The following XKR8 variants were observed in gnomAD, a reference collection of about 807,000 sequenced individuals.
The protein encoded by XKR8 is XK related 8.
A neutral mutation model predicts 17.1 loss-of-function variants in XKR8; 10 were observed. The ratio of observed to expected loss-of-function variants is 0.59; its 90% confidence interval spans 0.36 to 0.99. The LOEUF (loss-of-function observed/expected upper bound fraction) is 0.99, where lower values mean the gene tolerates loss of function less well. Ranked by LOEUF, XKR8 falls within the 50% of genes least tolerant of loss-of-function variation. The probability of loss-of-function intolerance (pLI) is 0.01; values close to 1 mark genes in which losing one functional copy is unlikely to be tolerated. For missense variants in XKR8, 411 were observed against 515.6 expected, an observed-to-expected ratio of 0.80 and a Z score of 1.96; for synonymous variants, 213 against 251.9, an observed-to-expected ratio of 0.85 and a Z score of 1.46.
At chr1:27,963,295 C>T (rs1368739688) in intron 1 of XKR8, among the ~76,000 whole-genome samples, 4 of 152,266 alleles carry the variant, frequency 2.6e-5, no homozygotes, top group Non-Finnish European at 5.9e-5. Context: ...GCTGGGATTA[C>T]AGGCATGAGC....
intron 1 of XKR8, among the ~76,000 whole-genome samples, chr1:27,962,657 T>A (rs1342697906): frequency 6.6e-6 from 1 of 151,164 alleles, no homozygotes; most frequent in Non-Finnish European, 1.5e-5. Flanking sequence ...GCACAATCAA[T>A]CATGGCTCAC....
Position 27,967,185 on chromosome 1 carries a change from G to A in XKR8, c.1173G>A (p.Ser391=), listed in dbSNP as rs202203203. Residue 391 remains serine (S), a synonymous_variant, in exon 3 of 3, where the codon TCG becomes TCA. Coordinates refer to ENST00000373884, the MANE Select transcript of XKR8 (RefSeq NM_018053.4). This position sits in a 1 kb window ranked among gnomAD's most constrained non-coding sequence, Gnocchi z 4.3. The stretch of plus-strand genomic sequence containing the variant: ...CCAAGGCTAAGGATGAGGCTGCTTC[G>A]CCAGTGAAGGGATAGGTGAACGGCG... ...FFPKAKDEAA[S]PVKG is the part of the protein sequence containing the mutation. The A allele has an allele frequency of 4.1e-5, 64 of 1,555,326 alleles. No homozygotes were observed. Among genetic ancestry groups the A allele is most frequent in the South Asian group, 2.6e-4 (21 of 81,646 alleles).
chr1:27,967,483 T>C lies in XKR8; in HGVS notation c.*283T>C. Reference sequence around the variant, plus strand: ...CACTTTGGGAGGAAAGAAGACTACCTTTTCCCCCTGCCATTGGTATAGCTG... The same window carrying C: ...CACTTTGGGAGGAAAGAAGACTACCCTTTCCCCCTGCCATTGGTATAGCTG... On this transcript the variant is annotated 3_prime_UTR_variant, in exon 3 of 3. Transcript: ENST00000373884. This position sits in a 1 kb window ranked among gnomAD's most constrained non-coding sequence, Gnocchi z 4.3. The C allele has an allele frequency of 3.9e-6, 1 of 253,926 alleles. No homozygotes were observed. The highest frequency in any genetic ancestry group is 7.5e-6 in the Non-Finnish European group (1 of 132,618). The allele number at this position is 253,926 out of a possible 1,614,324, so 15.7% of individuals were successfully genotyped here.
intron 1 of XKR8, among the ~76,000 whole-genome samples, chr1:27,961,245 G>C (rs979441122): frequency 6.6e-6 from 1 of 152,242 alleles, no homozygotes; most frequent in African/African-American, 2.4e-5. Flanking sequence ...TGTGGATTCT[G>C]CTCCTTTTTG....
chr1:27,963,214 G>T (rs549521359), intron 1 of XKR8, among the ~76,000 whole-genome samples: 19 of 152,226 alleles, frequency 1.2e-4, no homozygotes, highest in African/African-American at 4.3e-4. Context: ...TAGAGACGAG[G>T]CTTCACCATG....
Position 27,966,310 on chromosome 1 carries a change from T to G in XKR8, c.491-193T>G, listed in dbSNP as rs1425538587. On this transcript the variant is annotated intron_variant, in intron 2 of 2. Transcript: ENST00000373884. The surrounding 1 kb of genome is among the most constrained non-coding windows in gnomAD (Gnocchi z 4.3). ...GCTGTGGTGAGGGGCAGGCTCTATA[T>G]TAGGAGTCATAGCTTTGTTTTTGGT... Among the ~76,000 whole-genome samples the G allele has an allele frequency of 2.6e-5, 4 of 152,060 alleles. No individual in the cohort carries two copies.
In XKR8 at chr1:27,960,207, G is replaced by GAA; in HGVS notation, c.138_139insAA (p.Ala47LysfsTer156). 6.6e-7 allele frequency: 1 copy of GAA among 1,526,460 alleles called. No homozygotes were observed. Among genetic ancestry groups the GAA allele is most frequent in the Non-Finnish European group, 8.7e-7 (1 of 1,143,742 alleles). 94.6% of individuals were successfully genotyped at this position (1,526,460 alleles called of 1,614,324 possible). A position where few individuals can be genotyped will look rare whatever the true frequency, so the allele number is the denominator to read the frequency against. ...CGCTCGGCGGCCGCTACCTGTGGGCGGCGCTGGTGCTGGCGCTGCTGGGCC... is the reference window on the plus strand; with the variant it reads ...CGCTCGGCGGCCGCTACCTGTGGGCGAAGCGCTGGTGCTGGCGCTGCTGGGCC... On this transcript the variant is annotated frameshift_variant, in exon 1 of 3. Transcript: ENST00000373884. LOFTEE classifies it high-confidence loss of function. This position sits in a 1 kb window ranked among gnomAD's most constrained non-coding sequence, Gnocchi z 5.9.
In XKR8 at chr1:27,966,667, G is replaced by A. The variant is rs755413697; in HGVS notation, c.655G>A (p.Ala219Thr). Residue 219 changes from alanine (A) to threonine (T), a missense_variant, in exon 3 of 3, where the codon GCC becomes ACC. Physicochemically the swap from Ala to Thr is moderately conservative, Grantham distance 58. Coordinates refer to ENST00000373884, the MANE Select transcript of XKR8 (RefSeq NM_018053.4). This position sits in a 1 kb window ranked among gnomAD's most constrained non-coding sequence, Gnocchi z 4.3. ...GCTGTGGCCCCGAGTCCTGGCTGTG[G>A]CCCTGTTCTCAGCCCTCTTCCCCAG... ...LLLWPRVLAV[A>T]LFSALFPSYV... 9.9e-6 allele frequency: 16 copies of A among 1,614,106 alleles called. No individual in the cohort carries two copies. The East Asian group carries it at 3.1e-4, about 31-fold the overall frequency.
At position 27,967,134 on chromosome 1, in the gene XKR8, G is replaced by C; in HGVS notation, c.1122G>C (p.Met374Ile). 6.2e-7 allele frequency: 1 copy of C among 1,606,270 alleles called. No individual in the cohort carries two copies. The highest frequency in any genetic ancestry group is 8.5e-7 in the Non-Finnish European group (1 of 1,175,188). Residue 374 changes from methionine (M) to isoleucine (I), a missense_variant, in exon 3 of 3, where the codon ATG becomes ATC. By Grantham distance (10) the Met-to-Ile change is conservative. Coordinates refer to ENST00000373884, the MANE Select transcript of XKR8 (RefSeq NM_018053.4). This position sits in a 1 kb window ranked among gnomAD's most constrained non-coding sequence, Gnocchi z 4.3. ...EGYQLPQNRRMTHLAQKFFPK... is the reference protein window; with the variant it reads ...EGYQLPQNRRITHLAQKFFPK... Reference sequence around the variant, plus strand: ...ATCAGCTGCCTCAGAACAGGCGCATGACCCATTTAGCACAGAAGTTTTTCC... The same window carrying C: ...ATCAGCTGCCTCAGAACAGGCGCATCACCCATTTAGCACAGAAGTTTTTCC...
chr1:27,963,779 A>G, intron 2 of XKR8, 86 bp downstream of exon 2: 1 of 1,348,628 alleles, frequency 7.4e-7, no homozygotes, highest in African/African-American at 1.5e-5. Context: ...TCTTTTATAA[A>G]GGCTGCTTAG....
Position 27,961,338 on chromosome 1 carries a change from G to T in XKR8, c.293+976G>T, listed in dbSNP as rs537466744. ...CAAAGTCAGGGCAGAGGGTGGTGTG[G>T]GTTGGGATGGGGTGGCCAGGGCCAG... On this transcript the variant is annotated intron_variant, in intron 1 of 2. Coordinates refer to ENST00000373884, the MANE Select transcript of XKR8 (RefSeq NM_018053.4). Among the ~76,000 whole-genome samples the T allele has an allele frequency of 3.9e-5, 6 of 152,320 alleles. No individual in the cohort carries two copies. In the East Asian group the frequency reaches 1.2e-3, roughly 29 times the overall value.
At chr1:27,961,841 T>C (rs1638475116) in intron 1 of XKR8, among the ~76,000 whole-genome samples, 1 of 152,170 alleles carries the variant, frequency 6.6e-6, no homozygotes, top group Admixed American at 6.5e-5. Context: ...AACGGGGTTC[T>C]CTCCCAATAG....
rs1638444034 is a variant in XKR8, at chr1:27,960,404, G to C, written c.293+42G>C. On this transcript the variant is annotated intron_variant, in intron 1 of 2. Transcript: ENST00000373884. This position sits in a 1 kb window ranked among gnomAD's most constrained non-coding sequence, Gnocchi z 5.9. Reference sequence around the variant, plus strand: ...GGGAGGGGAGGAGTGTCGGAGCCCAGCACCTCCGTCAGCTGGGTCACCTGT... The same window carrying C: ...GGGAGGGGAGGAGTGTCGGAGCCCACCACCTCCGTCAGCTGGGTCACCTGT... 2 of 1,352,516 alleles carry C rather than the reference G, an allele frequency of 1.5e-6. No individual in the cohort carries two copies. The highest frequency in any genetic ancestry group is 3.8e-5 in the Admixed American group (1 of 26,032). The allele number at this position is 1,352,516 out of a possible 1,614,324, so 83.8% of individuals were successfully genotyped here.
chr1:27,961,608 G>C (rs1288106160), intron 1 of XKR8, among the ~76,000 whole-genome samples: 1 of 152,212 alleles, frequency 6.6e-6, no homozygotes, highest in African/African-American at 2.4e-5. Flanking sequence ...TGCTGAGCTT[G>C]AGTCAGACAG....
rs1638518835 is a variant in XKR8, at chr1:27,963,794, CAGG to C, written c.490+104_490+106del. ...TCTTTTATAAAGGCTGCTTAGAAAA[CAGG>C]AGAACAGGCTTTAGTCAGGCAGATC... is the stretch of plus-strand genomic sequence containing the variant. On this transcript the variant is annotated intron_variant, in intron 2 of 2. Transcript: ENST00000373884. 6 of 1,229,746 alleles carry C rather than the reference CAGG, an allele frequency of 4.9e-6. No homozygotes were observed. In the Admixed American group the frequency reaches 9.0e-5, roughly 19 times the overall value. 76.2% of individuals were successfully genotyped at this position (1,229,746 alleles called of 1,614,324 possible).
At position 27,960,416 on chromosome 1, in the gene XKR8, G is replaced by A; in HGVS notation, c.293+54G>A. ...GTGTCGGAGCCCAGCACCTCCGTCA[G>A]CTGGGTCACCTGTACAGGTGACACG... is the stretch of plus-strand genomic sequence containing the variant. On this transcript the variant is annotated intron_variant, in intron 1 of 2. Transcript: ENST00000373884. The surrounding 1 kb of genome is among the most constrained non-coding windows in gnomAD (Gnocchi z 5.9). The A allele has an allele frequency of 7.4e-7, 1 of 1,352,008 alleles. No homozygotes were observed. Among genetic ancestry groups the A allele is most frequent in the Non-Finnish European group, 9.5e-7 (1 of 1,056,372 alleles). The allele number at this position is 1,352,008 out of a possible 1,614,324, so 83.8% of individuals were successfully genotyped here. A position where few individuals can be genotyped will look rare whatever the true frequency, so the allele number is the denominator to read the frequency against.
At chr1:27,961,281 G>A (rs1387959523) in intron 1 of XKR8, among the ~76,000 whole-genome samples, 2 of 152,204 alleles carry the variant, frequency 1.3e-5, no homozygotes, top group Non-Finnish European at 2.9e-5. Flanking sequence ...CGTAGAGATG[G>A]GAAAACAAAC....
chr1:27,962,844 T>C (rs1638494669), intron 1 of XKR8, among the ~76,000 whole-genome samples: 1 of 152,134 alleles, frequency 6.6e-6, no homozygotes, highest in Non-Finnish European at 1.5e-5. Flanking sequence ...CCTCTTGCCT[T>C]GGCCTGTCAA....
In XKR8 at chr1:27,966,882, C is replaced by T; in HGVS notation, c.870C>T (p.Ala290=). The change falls in exon 3 of 3, where the codon GCC becomes GCT. Residue 290 remains alanine, a synonymous_variant. Transcript: ENST00000373884. The surrounding 1 kb of genome is among the most constrained non-coding windows in gnomAD (Gnocchi z 4.3). ...GAGGCCGGGCCATCATCCACTTCGC[C>T]TTCCTCCTGAGTGACAGCATTCTCC... is the stretch of plus-strand genomic sequence containing the variant. ...RTRGRAIIHF[A]FLLSDSILLV... 3 of 1,614,232 alleles carry T rather than the reference C, an allele frequency of 1.9e-6. No homozygotes were observed. The highest frequency in any genetic ancestry group is 2.2e-5 in the East Asian group (1 of 44,882).
Sources: gnomAD v4.1 joint callset for allele counts (sites outside exome capture counted in the v4.1 genomes callset) on GRCh38, gnomAD v4.1.1 for gene constraint, Gnocchi (gnomAD v3.1) non-coding constraint, MANE v1.5 for transcripts, NCBI Gene and HGNC (gene_info 2026-07-23, HGNC 2026-07-21) for gene names.